The following MYO3B variants were observed in gnomAD, a reference collection of about 807,000 sequenced individuals.
The protein encoded by MYO3B is myosin IIIB.
A neutral mutation model predicts 174.6 loss-of-function variants in MYO3B; 156 were observed. The ratio of observed to expected loss-of-function variants is 0.89; its 90% CI spans 0.78 to 1.02. The LOEUF (loss-of-function observed/expected upper bound fraction) is 1.02. Ranked by LOEUF, MYO3B falls within the 50% of genes least tolerant of loss-of-function variation. The pLI, the probability that MYO3B is intolerant of heterozygous loss-of-function variation, is 0.00. For missense variants in MYO3B, 1,632 were observed against 1,639.4 expected (o/e 1.00, Z 0.08); for synonymous variants, 563 against 569.1 (o/e 0.99, Z 0.15).
chr2:170,519,624 A>G (rs1688539030), intron 30 of MYO3B, 84 bp downstream of exon 30: 2 of 1,137,930 alleles, frequency 1.8e-6, no homozygotes, highest in Non-Finnish European at 2.6e-6. Context: ...GGATAATGCA[A>G]CAAGTATTTC....
At chr2:170,421,632 C>T (rs982549489) in intron 22 of MYO3B, among the ~76,000 whole-genome samples, 1 of 152,276 alleles carries the variant, frequency 6.6e-6, no homozygotes, top group East Asian at 1.9e-4. Context: ...TTGTGAGGGC[C>T]GTGCCCTCTT....
intron 32 of MYO3B, among the ~76,000 whole-genome samples, chr2:170,599,887 T>A (rs1694391546): frequency 6.6e-6 from 1 of 152,234 alleles, no homozygotes; most frequent in Non-Finnish European, 1.5e-5. Flanking sequence ...ATTTTTTAAA[T>A]TTTTTAATAT....
At chr2:170,502,275 C>T (rs7596971) in intron 28 of MYO3B, among the ~76,000 whole-genome samples, 68,558 of 152,044 alleles carry the variant, frequency 0.45, 15,740 homozygotes, top group South Asian at 0.57. Flanking sequence ...AGTCATATGT[C>T]CCTCGTCTGT....
chr2:170,417,191 A>G (rs1002883130), intron 22 of MYO3B, among the ~76,000 whole-genome samples: 1 of 152,042 alleles, frequency 6.6e-6, no homozygotes, highest in African/African-American at 2.4e-5. Context: ...TTCTCTGTCT[A>G]CCCAATGGAA....
At chr2:170,548,790 TG>T (rs1690701851) in intron 32 of MYO3B, among the ~76,000 whole-genome samples, 1 of 152,190 alleles carries the variant, frequency 6.6e-6, no homozygotes, top group Non-Finnish European at 1.5e-5. Flanking sequence ...GAGACCAATA[TG>T]AAATGGGGCC....
At chr2:170,509,938 G>A (rs1434125349) in intron 28 of MYO3B, among the ~76,000 whole-genome samples, 1 of 152,180 alleles carries the variant, frequency 6.6e-6, no homozygotes, top group African/African-American at 2.4e-5. Context: ...CCGTTTGGCC[G>A]GGAGTTCAAA....
intron 32 of MYO3B, among the ~76,000 whole-genome samples, chr2:170,577,217 T>G (rs1041026913): frequency 6.6e-6 from 1 of 152,250 alleles, no homozygotes; most frequent in Non-Finnish European, 1.5e-5. Context: ...AAAGCTATTT[T>G]AATTATTTTA....
intron 29 of MYO3B, among the ~76,000 whole-genome samples, chr2:170,517,508 A>G (rs1234785185): frequency 6.6e-6 from 1 of 151,648 alleles, no homozygotes; most frequent in Non-Finnish European, 1.5e-5. Flanking sequence ...ATTGCTCCTT[A>G]TTATTTTTAG....
At chr2:170,427,303 C>T (rs1027170624) in intron 22 of MYO3B, among the ~76,000 whole-genome samples, 1 of 152,182 alleles carries the variant, frequency 6.6e-6, no homozygotes, top group Non-Finnish European at 1.5e-5. Context: ...CATCGCAAGT[C>T]TGTCAGATAA....
At chr2:170,516,294 T>G (rs1402771034) in intron 29 of MYO3B, among the ~76,000 whole-genome samples, 1 of 151,976 alleles carries the variant, frequency 6.6e-6, no homozygotes, top group Non-Finnish European at 1.5e-5. Context: ...GTTCTTGGTG[T>G]TTTTTGTTGT....
chr2:170,395,497 A>G (rs1422337967), intron 16 of MYO3B, among the ~76,000 whole-genome samples: 3 of 152,166 alleles, frequency 2.0e-5, no homozygotes. Context: ...CCCTTTCTTC[A>G]AAATAGATTA....
At chr2:170,319,327 C>T (rs781701270) in intron 7 of MYO3B, among the ~76,000 whole-genome samples, 9 of 152,110 alleles carry the variant, frequency 5.9e-5, no homozygotes, top group Non-Finnish European at 1.3e-4. Context: ...TTCTTTTTCA[C>T]CATTTTAGGC....
intron 7 of MYO3B, among the ~76,000 whole-genome samples, chr2:170,278,682 C>T (rs370154367): frequency 2.0e-5 from 3 of 152,006 alleles, no homozygotes; most frequent in Non-Finnish European, 2.9e-5. Context: ...AACCCTACTC[C>T]ACTACCAAAC....
At chr2:170,551,282 T>G (rs1167566923) in intron 32 of MYO3B, among the ~76,000 whole-genome samples, 1 of 151,820 alleles carries the variant, frequency 6.6e-6, no homozygotes, top group East Asian at 1.9e-4. Context: ...TTCTCCCACA[T>G]GGCAAAATTA....
At chr2:170,406,006 G>A (rs2094507135) in intron 21 of MYO3B, among the ~76,000 whole-genome samples, 1 of 152,100 alleles carries the variant, frequency 6.6e-6, no homozygotes, top group African/African-American at 2.4e-5. Flanking sequence ...ATCACAGTGG[G>A]ACTCAATTTT....
chr2:170,497,043 C>T (rs1018609792), intron 25 of MYO3B, among the ~76,000 whole-genome samples: 1 of 152,188 alleles, frequency 6.6e-6, no homozygotes, highest in Admixed American at 6.5e-5. Context: ...AAATATGGCA[C>T]TGTAGCATTT....
At chr2:170,550,566 A>G (rs1217363798) in intron 32 of MYO3B, among the ~76,000 whole-genome samples, 1 of 152,234 alleles carries the variant, frequency 6.6e-6, no homozygotes, top group African/African-American at 2.4e-5. Context: ...GGCTTTATAT[A>G]TGTGGCTTTC....
intron 28 of MYO3B, among the ~76,000 whole-genome samples, chr2:170,509,340 C>T (rs904707806): frequency 3.4e-4 from 51 of 152,066 alleles, no homozygotes; most frequent in African/African-American, 1.1e-3. Context: ...CTGGGTGACA[C>T]GGTGAGACCC....
chr2:170,483,962 C>T (rs1214601119), intron 25 of MYO3B, among the ~76,000 whole-genome samples: 2 of 152,170 alleles, frequency 1.3e-5, no homozygotes, highest in East Asian at 1.9e-4. Flanking sequence ...TCCTCTTAGC[C>T]GTGACTGGTA....
Sources: allele counts gnomAD v4.1 joint callset (sites outside exome capture counted in the v4.1 genomes callset), GRCh38; gene constraint gnomAD v4.1.1; transcripts MANE v1.5; gene names NCBI Gene and HGNC (gene_info 2026-07-23, HGNC 2026-07-21).